Variants in PKNOX2 observed in about 807,000 individuals in gnomAD.
The protein encoded by PKNOX2 is PBX/knotted 1 homeobox 2.
In PKNOX2, 14 loss-of-function variants were observed where a neutral mutation model predicts 53.1. The observed-to-expected ratio is 0.26, with a 90% CI of 0.17 to 0.41. The LOEUF is 0.41. Ranked by LOEUF, PKNOX2 falls within the 10% of genes least tolerant of loss-of-function variation. PKNOX2 has a pLI of 1.00. For synonymous variants in PKNOX2, 257 were observed against 242.8 expected (o/e 1.06, Z -0.54); for missense variants, 496 against 602.8 (o/e 0.82, Z 1.85).
At chr11:125,354,102 C>T (rs73618174) in intron 4 of PKNOX2, among the ~76,000 whole-genome samples, 15,364 of 152,232 alleles carry the variant, frequency 0.1, 1,482 homozygotes, top group African/African-American at 0.25. Context: ...TGGCTGCTGG[C>T]ACTTTCTGCA....
At chr11:125,235,355 G>C (rs973758063) in intron 2 of PKNOX2, among the ~76,000 whole-genome samples, 40 of 152,240 alleles carry the variant, frequency 2.6e-4, no homozygotes, top group African/African-American at 8.7e-4. Context: ...AGGTGGACTT[G>C]ATGTGTTACA....
intron 7 of PKNOX2, among the ~76,000 whole-genome samples, chr11:125,399,414 G>C (rs1954603535): frequency 6.6e-6 from 1 of 152,202 alleles, no homozygotes; most frequent in African/African-American, 2.4e-5. Context: ...TAATTTATTA[G>C]TTTCTATTAT....
At chr11:125,322,994 G>A (rs1411074027) in intron 2 of PKNOX2, among the ~76,000 whole-genome samples, 1 of 152,144 alleles carries the variant, frequency 6.6e-6, no homozygotes. Context: ...ATTAACACTG[G>A]ACCAAGGCAG....
intron 5 of PKNOX2, among the ~76,000 whole-genome samples, chr11:125,385,107 G>C (rs951467887): frequency 3.3e-5 from 5 of 152,100 alleles, no homozygotes; most frequent in Non-Finnish European, 5.9e-5. Flanking sequence ...GTGCACATCT[G>C]CCACCCTTAG....
At chr11:125,315,328 A>AAC (rs1201379428) in intron 2 of PKNOX2, among the ~76,000 whole-genome samples, 7 of 144,842 alleles carry the variant, frequency 4.8e-5, no homozygotes, top group African/African-American at 1.9e-4. Flanking sequence ...AAAAAAAAAA[A>AAC]CACCTCTCTC....
chr11:125,281,425 T>G (rs1384875007), intron 2 of PKNOX2, among the ~76,000 whole-genome samples: 3 of 152,174 alleles, frequency 2.0e-5, no homozygotes, highest in African/African-American at 7.2e-5. Context: ...AAGGTGGGCT[T>G]GTGTGGTGCA....
chr11:125,209,206 T>G (rs1307873330), intron 1 of PKNOX2, among the ~76,000 whole-genome samples: 4 of 152,056 alleles, frequency 2.6e-5, no homozygotes, highest in Non-Finnish European at 5.9e-5. Flanking sequence ...TGGGGAGACT[T>G]TAAATCCACT....
intron 2 of PKNOX2, among the ~76,000 whole-genome samples, chr11:125,272,490 C>T (rs1320511754): frequency 6.6e-6 from 1 of 152,196 alleles, no homozygotes; most frequent in African/African-American, 2.4e-5. Flanking sequence ...TATGGGACAA[C>T]TGGGGCCCAA....
At chr11:125,292,975 G>A (rs1947401174) in intron 2 of PKNOX2, among the ~76,000 whole-genome samples, 1 of 152,130 alleles carries the variant, frequency 6.6e-6, no homozygotes, top group South Asian at 2.1e-4. Context: ...AGGCAGCCTG[G>A]ACCACCTAAC....
chr11:125,390,358 G>A (rs1433893602), intron 6 of PKNOX2, among the ~76,000 whole-genome samples: 1 of 152,178 alleles, frequency 6.6e-6, no homozygotes, highest in Non-Finnish European at 1.5e-5. Context: ...GCGCTCCAGT[G>A]ACCACACCCA....
intron 12 of PKNOX2, 133 bp from the exon 13 acceptor site, chr11:125,431,033 C>T: frequency 7.0e-7 from 1 of 1,433,160 alleles, no homozygotes; most frequent in Non-Finnish European, 9.2e-7. Flanking sequence ...CATTGTCCAG[C>T]TCAGGCTTGG....
intron 10 of PKNOX2, among the ~76,000 whole-genome samples, chr11:125,413,986 T>C (rs1458150054): frequency 1.3e-5 from 2 of 152,152 alleles, no homozygotes; most frequent in Non-Finnish European, 2.9e-5. Context: ...AACTTACCCC[T>C]GGGAATCGTT....
intron 1 of PKNOX2, among the ~76,000 whole-genome samples, chr11:125,212,916 C>T (rs181668522): frequency 5.3e-5 from 8 of 152,176 alleles, no homozygotes; most frequent in Middle Eastern, 3.4e-3. Flanking sequence ...AAGACTTCAA[C>T]GGGTTCCATG....
At chr11:125,375,784 G>T (rs1952799954) in intron 5 of PKNOX2, among the ~76,000 whole-genome samples, 1 of 152,168 alleles carries the variant, frequency 6.6e-6, no homozygotes, top group Non-Finnish European at 1.5e-5. Context: ...GACTTGGCTG[G>T]AATCACTGAT....
At chr11:125,250,748 G>A (rs1246350150) in intron 2 of PKNOX2, among the ~76,000 whole-genome samples, 1 of 152,226 alleles carries the variant, frequency 6.6e-6, no homozygotes, top group East Asian at 1.9e-4. Context: ...ACCTATCGGA[G>A]GAGACCGCAG....
At chr11:125,204,511 C>A (rs1332682779) in intron 1 of PKNOX2, among the ~76,000 whole-genome samples, 1 of 152,250 alleles carries the variant, frequency 6.6e-6, no homozygotes, top group East Asian at 1.9e-4. Flanking sequence ...GCTCAAGCTC[C>A]CAATTTAATC....
intron 11 of PKNOX2, 109 bp from the exon 12 acceptor site, chr11:125,429,854 C>T (rs1250088451): frequency 1.6e-6 from 2 of 1,282,406 alleles, no homozygotes; most frequent in Non-Finnish European, 2.1e-6. Context: ...GGATGGGAAC[C>T]CCGGTCTGCT....
intron 2 of PKNOX2, among the ~76,000 whole-genome samples, chr11:125,285,013 A>G (rs1378821471): frequency 6.6e-6 from 1 of 152,104 alleles, no homozygotes; most frequent in African/African-American, 2.4e-5. Context: ...AAAGAGCCCC[A>G]TCTGGGAGCA....
rs548871476 is a variant in PKNOX2, at chr11:125,361,442, T to G, written c.88-6404T>G. Among the ~76,000 whole-genome samples, 6 of 152,278 alleles carry G rather than the reference T, an allele frequency of 3.9e-5. No homozygotes were observed. The East Asian group carries it at 1.2e-3, about 29-fold the overall frequency. ...AAACCTGAAACCCCAGAAGGTAAAG[T>G]TCCATCTTTAAGGCTGTAAGTGGTA... On this transcript the variant is annotated intron_variant, in intron 4 of 12. Transcript: ENST00000298282.
Sources: allele counts gnomAD v4.1 joint callset (sites outside exome capture counted in the v4.1 genomes callset), GRCh38; gene constraint gnomAD v4.1.1; transcripts MANE v1.5; gene names NCBI Gene and HGNC (gene_info 2026-07-23, HGNC 2026-07-21).